HTR4: variants seen among roughly 807,000 people sequenced by gnomAD.
HTR4 encodes 5-hydroxytryptamine (serotonin) receptor 4, G protein-coupled.
In HTR4, 16 loss-of-function variants were observed where a neutral mutation model predicts 36.8. The observed-to-expected ratio is 0.43, with a 90% CI of 0.29 to 0.66. The LOEUF (loss-of-function observed/expected upper bound fraction) is 0.66. Ranked by LOEUF, HTR4 falls within the 30% of genes least tolerant of loss-of-function variation. The pLI is 0.13. For synonymous variants in HTR4, 189 were observed against 185.1 expected, an observed-to-expected ratio of 1.02 and a Z score of -0.17; for missense variants, 438 against 490.9, an observed-to-expected ratio of 0.89 and a Z score of 1.02.
At chr5:148,463,165 C>CTTTTTTTTTTTTTTTTTTTTTTTTTTTT (rs71001490) in intron 5 of HTR4, among the ~76,000 whole-genome samples, 6 of 64,138 alleles carry the variant, frequency 9.4e-5, no homozygotes, top group East Asian at 5.4e-4. Flanking sequence ...CTTTTTTTTT[C>CTTTTTTTTTTTTTTTTTTTTTTTTTTTT]TTTTTTTTTT....
chr5:148,505,649 TA>T (rs1203315687), intron 6 of HTR4, among the ~76,000 whole-genome samples: 1 of 152,184 alleles, frequency 6.6e-6, no homozygotes, highest in African/African-American at 2.4e-5. Flanking sequence ...AAAATCTCCT[TA>T]AGCTGATAGG....
At chr5:148,483,619 T>C (rs1355456368) in intron 6 of HTR4, among the ~76,000 whole-genome samples, 1 of 152,208 alleles carries the variant, frequency 6.6e-6, no homozygotes. Flanking sequence ...AGCTACACAT[T>C]CCGATTTTCT....
intron 2 of HTR4, among the ~76,000 whole-genome samples, chr5:148,596,375 A>G (rs1761773729): frequency 6.6e-6 from 1 of 152,178 alleles, no homozygotes; most frequent in Non-Finnish European, 1.5e-5. Flanking sequence ...AACTCTGGAT[A>G]GGCTCTCATT....
chr5:148,634,582 C>T (rs1184502478), intron 2 of HTR4, among the ~76,000 whole-genome samples: 1 of 152,144 alleles, frequency 6.6e-6, no homozygotes, highest in Admixed American at 6.6e-5. Context: ...ACAAAAGAAA[C>T]ATTCAACATG....
At chr5:148,515,241 A>C (rs1757686878) in intron 5 of HTR4, among the ~76,000 whole-genome samples, 1 of 151,894 alleles carries the variant, frequency 6.6e-6, no homozygotes, top group African/African-American at 2.4e-5. Context: ...TTTTTCATAC[A>C]TTTGCCATTT....
downstream of HTR4, among the ~76,000 whole-genome samples, chr5:148,480,580 T>C (rs1755843384): frequency 6.6e-6 from 1 of 152,196 alleles, no homozygotes; most frequent in Admixed American, 6.5e-5. Context: ...AATTTCACCA[T>C]GTTGGCCAGG....
chr5:148,532,295 G>A (rs1265386331), intron 4 of HTR4, among the ~76,000 whole-genome samples: 3 of 152,186 alleles, frequency 2.0e-5, no homozygotes, highest in Non-Finnish European at 2.9e-5. Flanking sequence ...TCTAGGACAA[G>A]AGGTGGGAAA....
chr5:148,581,190 G>T (rs1294819927), intron 2 of HTR4, among the ~76,000 whole-genome samples: 1 of 151,778 alleles, frequency 6.6e-6, no homozygotes, highest in East Asian at 1.9e-4. Flanking sequence ...TTTAAATCAG[G>T]TTATTTGATT....
intron 5 of HTR4, among the ~76,000 whole-genome samples, chr5:148,464,073 T>C (rs1334461537): frequency 6.8e-6 from 1 of 147,574 alleles, no homozygotes; most frequent in African/African-American, 2.5e-5. Context: ...ACAGACCTTA[T>C]ATCTTGCAGA....
At chr5:148,634,670 A>C (rs903807163) in intron 2 of HTR4, among the ~76,000 whole-genome samples, 14 of 152,290 alleles carry the variant, frequency 9.2e-5, no homozygotes, top group African/African-American at 3.1e-4. Flanking sequence ...AAGAAAAAAA[A>C]CAAAAAGATA....
chr5:148,522,557 C>T lies in HTR4; in HGVS notation c.507+636G>A, dbSNP rs59670215. On this transcript the variant is annotated intron_variant, in intron 5 of 6. Coordinates refer to ENST00000377888, the MANE Select transcript of HTR4 (RefSeq NM_000870.7). ...TTTAGCATACTCTCTGGCATACAGGCATGTTAAAGAAAAAAATTATTCATG... is the reference window on the plus strand; with the variant it reads ...TTTAGCATACTCTCTGGCATACAGGTATGTTAAAGAAAAAAATTATTCATG... Among the ~76,000 whole-genome samples, 648 of 152,072 alleles carry T rather than the reference C, an allele frequency of 4.3e-3. 6 individuals carry two copies. The highest frequency in any genetic ancestry group is 0.015 in the African/African-American group (615 of 41,476).
chr5:148,562,437 C>T (rs560226698), intron 2 of HTR4, among the ~76,000 whole-genome samples: 4 of 152,248 alleles, frequency 2.6e-5, no homozygotes, highest in East Asian at 1.9e-4. Context: ...AACACCCTTC[C>T]GGTTGACCAC....
intron 2 of HTR4, among the ~76,000 whole-genome samples, chr5:148,573,831 A>C (rs889464255): frequency 6.6e-6 from 1 of 151,944 alleles, no homozygotes; most frequent in Non-Finnish European, 1.5e-5. Context: ...AAAGGAGTGC[A>C]GGTTAATGAC....
intron 2 of HTR4, among the ~76,000 whole-genome samples, chr5:148,584,111 A>G (rs1761256271): frequency 6.6e-6 from 1 of 152,216 alleles, no homozygotes; most frequent in Non-Finnish European, 1.5e-5. Flanking sequence ...TTATAACAGC[A>G]TATAAAACAT....
chr5:148,508,370 C>T (rs1344462455), intron 6 of HTR4, among the ~76,000 whole-genome samples: 1 of 152,112 alleles, frequency 6.6e-6, no homozygotes, highest in Non-Finnish European at 1.5e-5. Context: ...CAATTCTAGC[C>T]CAGGGTGACC....
Position 148,488,464 on chromosome 5 carries a change from T to C in HTR4, c.1077-5171A>G, listed in dbSNP as rs74841933. On this transcript the variant is annotated intron_variant, in intron 6 of 6. Coordinates refer to ENST00000377888, the MANE Select transcript of HTR4 (RefSeq NM_000870.7). ...TTCATTGCATTTGTATTAAAAATCA[T>C]CTTCTCTATATAGTTTTGCATTTAA... Among the ~76,000 whole-genome samples, 276 of 152,360 alleles carry C rather than the reference T, an allele frequency of 1.8e-3. 5 individuals carry two copies. The East Asian group carries it at 0.038, about 21-fold the overall frequency.
chr5:148,608,625 G>C (rs1040376168), intron 2 of HTR4, among the ~76,000 whole-genome samples: 3 of 152,178 alleles, frequency 2.0e-5, no homozygotes, highest in Non-Finnish European at 2.9e-5. Flanking sequence ...GAAAGCAATG[G>C]GGAACTACTG....
At chr5:148,471,933 A>G (rs1346819419), downstream of HTR4, among the ~76,000 whole-genome samples, 18 of 152,210 alleles carry the variant, frequency 1.2e-4, no homozygotes. Context: ...AAAAAGGGAA[A>G]CACAAAAAGT....
chr5:148,530,175 A>G (rs544867286), intron 4 of HTR4, among the ~76,000 whole-genome samples: 2 of 152,372 alleles, frequency 1.3e-5, no homozygotes, highest in South Asian at 2.1e-4. Context: ...TTTTCTGAGG[A>G]GAAATTCAAG....
Sources: gnomAD v4.1 joint callset for allele counts (sites outside exome capture counted in the v4.1 genomes callset) on GRCh38, gnomAD v4.1.1 for gene constraint, MANE v1.5 for transcripts, NCBI Gene and HGNC (gene_info 2026-07-23, HGNC 2026-07-21) for gene names.